Variants in MYO3B observed in about 807,000 individuals in gnomAD.
MYO3B encodes myosin-IIIb.
In MYO3B, 156 loss-of-function variants were observed where a neutral mutation model predicts 174.6. The observed-to-expected ratio is 0.89, with a 90% CI of 0.78 to 1.02. The LOEUF (loss-of-function observed/expected upper bound fraction) is 1.02. Ranked by LOEUF, MYO3B falls within the 50% of genes least tolerant of loss-of-function variation. MYO3B has a pLI of 0.00. For synonymous variants in MYO3B, 563 were observed against 569.1 expected, an observed-to-expected ratio of 0.99 and a Z score of 0.15; for missense variants, 1,632 against 1,639.4, an observed-to-expected ratio of 1.00 and a Z score of 0.08.
intron 32 of MYO3B, among the ~76,000 whole-genome samples, chr2:170,616,515 C>T (rs1442336518): frequency 6.6e-6 from 1 of 152,200 alleles, no homozygotes; most frequent in Non-Finnish European, 1.5e-5. Context: ...AGGAGCATTT[C>T]ATCTTTTATT....
chr2:170,473,252 C>G (rs926442280), intron 25 of MYO3B, among the ~76,000 whole-genome samples: 4 of 147,514 alleles, frequency 2.7e-5, no homozygotes, highest in Non-Finnish European at 4.5e-5. Flanking sequence ...ATGCCATTCT[C>G]CTATCTCAGC....
intron 8 of MYO3B, among the ~76,000 whole-genome samples, chr2:170,339,699 T>G (rs1374783216): frequency 6.6e-6 from 1 of 152,230 alleles, no homozygotes; most frequent in Non-Finnish European, 1.5e-5. Context: ...TAAACCTGTT[T>G]GGGGGTTTTA....
chr2:170,401,113 G>A lies in MYO3B; in HGVS notation c.1919-368G>A, dbSNP rs574728979. On this transcript the variant is annotated intron_variant, in intron 17 of 34. Coordinates refer to ENST00000408978, the MANE Select transcript of MYO3B (RefSeq NM_138995.5). ...AATATGAACAACAAACAAACAAACT[G>A]ATTTAAATGAAGTAAAAACCTTTTT... is the stretch of plus-strand genomic sequence containing the variant. 5.9e-5 allele frequency among the ~76,000 whole-genome samples: 9 copies of A among 152,266 alleles called. No homozygotes were observed. In the East Asian group the frequency reaches 1.4e-3, roughly 23 times the overall value.
intron 23 of MYO3B, among the ~76,000 whole-genome samples, chr2:170,451,561 C>T (rs560717439): frequency 1.6e-4 from 25 of 152,196 alleles, no homozygotes; most frequent in South Asian, 6.2e-4. Context: ...TCTTTATTTC[C>T]GAAAGATTAC....
chr2:170,310,142 A>G (rs1176318256), intron 7 of MYO3B, among the ~76,000 whole-genome samples: 2 of 152,216 alleles, frequency 1.3e-5, no homozygotes, highest in Non-Finnish European at 2.9e-5. Flanking sequence ...TTGATTTATA[A>G]ACACAATTTG....
intron 6 of MYO3B, among the ~76,000 whole-genome samples, chr2:170,234,439 A>G (rs1324206570): frequency 2.0e-5 from 3 of 152,136 alleles, no homozygotes; most frequent in Non-Finnish European, 1.5e-5. Context: ...TAATCCATTC[A>G]CAAGGGCAGA....
At chr2:170,258,649 A>G (rs1193816771) in intron 7 of MYO3B, among the ~76,000 whole-genome samples, 1 of 152,170 alleles carries the variant, frequency 6.6e-6, no homozygotes, top group African/African-American at 2.4e-5. Context: ...GAACTGGAAC[A>G]AGACAATGAT....
intron 7 of MYO3B, among the ~76,000 whole-genome samples, chr2:170,270,135 A>C (rs2093415517): frequency 6.6e-6 from 1 of 152,224 alleles, no homozygotes; most frequent in Non-Finnish European, 1.5e-5. Flanking sequence ...CAAATGGTTA[A>C]CAGTGCTTTC....
intron 1 of MYO3B, chr2:170,180,215 G>A (rs998524192): frequency 1.1e-5 from 5 of 435,192 alleles, no homozygotes; most frequent in African/African-American, 8.1e-5. Context: ...ACTAATTCAG[G>A]GTATTCAACA....
chr2:170,527,789 A>T (rs1193787470), intron 30 of MYO3B, among the ~76,000 whole-genome samples: 4 of 152,346 alleles, frequency 2.6e-5, no homozygotes, highest in Non-Finnish European at 5.9e-5. Flanking sequence ...CGTTTAGATG[A>T]CTACCTAGTA....
At chr2:170,478,556 C>CTAA (rs1685458886) in intron 25 of MYO3B, among the ~76,000 whole-genome samples, 1 of 104,556 alleles carries the variant, frequency 9.6e-6, no homozygotes, top group African/African-American at 3.4e-5. Context: ...CACACACACA[C>CTAA]ACACAGGTTT....
intron 22 of MYO3B, among the ~76,000 whole-genome samples, chr2:170,422,895 T>A (rs2094627796): frequency 6.6e-6 from 1 of 152,126 alleles, no homozygotes; most frequent in African/African-American, 2.4e-5. Flanking sequence ...AGTTTACTTT[T>A]TTTGTACTAA....
rs555234638 is a variant in MYO3B, at chr2:170,219,588, G to A, written c.603+2193G>A. Among the ~76,000 whole-genome samples, 156 of 151,954 alleles carry A rather than the reference G, an allele frequency of 1.0e-3. 1 individual carries two copies. Among genetic ancestry groups the A allele is most frequent in the African/African-American group, 3.6e-3 (151 of 41,410 alleles). ...GAACCCGGGAGGCAGAGGTTGCAGT[G>A]AGCAGAGATGCCACCACTGCACTTC... On this transcript the variant is annotated intron_variant, in intron 6 of 34. Transcript: ENST00000408978.
chr2:170,493,084 G>A (rs562300780), intron 25 of MYO3B, among the ~76,000 whole-genome samples: 1 of 152,154 alleles, frequency 6.6e-6, no homozygotes, highest in African/African-American at 2.4e-5. Flanking sequence ...ATTAACCACC[G>A]TTGTTTTGAT....
Position 170,331,622 on chromosome 2 carries a change from A to G in MYO3B, c.750-3763A>G, listed in dbSNP as rs542697770. On this transcript the variant is annotated intron_variant, in intron 7 of 34. Transcript: ENST00000408978. ...ATGGTTCTTTAAGTTAGAGTCTGCC[A>G]TGGGTCTCAGTGGGCTAAAATCAAG... Among the ~76,000 whole-genome samples the G allele has an allele frequency of 7.2e-5, 11 of 152,284 alleles. 1 individual carries two copies. The East Asian group carries it at 1.9e-3, about 27-fold the overall frequency.
In MYO3B at chr2:170,458,392, G is replaced by C. The variant is rs1281447106; in HGVS notation, c.2731-4976G>C. 2.6e-5 allele frequency among the ~76,000 whole-genome samples: 4 copies of C among 152,146 alleles called. No individual in the cohort carries two copies. In the East Asian group the frequency reaches 7.7e-4, roughly 29 times the overall value. On this transcript the variant is annotated intron_variant, in intron 23 of 34. Coordinates refer to ENST00000408978, the MANE Select transcript of MYO3B (RefSeq NM_138995.5). Reference sequence around the variant, plus strand: ...ACACAGCTAGCAAGAATTTCAACCAGGTTTGTCAATAGCAATCACTCAGCC... The same window carrying C: ...ACACAGCTAGCAAGAATTTCAACCACGTTTGTCAATAGCAATCACTCAGCC...
At chr2:170,433,471 A>C (rs1181537917) in intron 22 of MYO3B, among the ~76,000 whole-genome samples, 4 of 152,222 alleles carry the variant, frequency 2.6e-5, no homozygotes, top group Non-Finnish European at 5.9e-5. Flanking sequence ...CAGAGTTGTC[A>C]GTTCACTGGT....
intron 32 of MYO3B, among the ~76,000 whole-genome samples, chr2:170,554,523 A>G (rs868635999): frequency 3.4e-4 from 51 of 152,238 alleles, no homozygotes; most frequent in African/African-American, 1.1e-3. Flanking sequence ...GTCACATGCC[A>G]GGCCACCATT....
At chr2:170,652,234 C>A in intron 34 of MYO3B, 80 bp downstream of exon 34, 2 of 1,274,020 alleles carry the variant, frequency 1.6e-6, no homozygotes, top group Non-Finnish European at 2.2e-6. Context: ...GCAAAACTTT[C>A]CAGAGAGGCT....
Sources: gnomAD v4.1 joint callset for allele counts (sites outside exome capture counted in the v4.1 genomes callset) on GRCh38, gnomAD v4.1.1 for gene constraint, MANE v1.5 for transcripts, NCBI Gene and HGNC (gene_info 2026-07-23, HGNC 2026-07-21) for gene names.